SKP2: variants seen among roughly 807,000 people sequenced by gnomAD.
The protein encoded by SKP2 is S-phase kinase associated protein 2.
A neutral mutation model predicts 51.8 loss-of-function variants in SKP2; 16 were observed. The ratio of observed to expected loss-of-function variants is 0.31; its 90% confidence interval spans 0.21 to 0.47. The LOEUF (loss-of-function observed/expected upper bound fraction) is 0.47. Ranked by LOEUF, SKP2 falls within the 20% of genes least tolerant of loss-of-function variation. The probability of loss-of-function intolerance (pLI) is 1.00; values close to 1 mark genes in which losing one functional copy is unlikely to be tolerated. For synonymous variants in SKP2, 176 were observed against 198.6 expected (o/e 0.89, Z 0.96); for missense variants, 377 against 505.3 (o/e 0.75, Z 2.43).
Position 36,183,787 on chromosome 5 carries a change from A to C in SKP2, c.*1756A>C. ...GTTGCACAGGAAATGATGATGCTTC[A>C]ATTTCTTAATAGTTAAAAAGTGCTA... On this transcript the variant is annotated 3_prime_UTR_variant, in exon 10 of 10. Coordinates refer to ENST00000274255, the MANE Select transcript of SKP2 (RefSeq NM_005983.4). 6.7e-7 allele frequency: 1 copy of C among 1,491,838 alleles called. No individual in the cohort carries two copies. The highest frequency in any genetic ancestry group is 8.9e-7 in the Non-Finnish European group (1 of 1,125,448). The allele number at this position is 1,491,838 out of a possible 1,614,324, so 92.4% of individuals were successfully genotyped here.
downstream of SKP2, among the ~76,000 whole-genome samples, chr5:36,185,950 C>T (rs942636803): frequency 2.0e-5 from 3 of 152,260 alleles, no homozygotes; most frequent in Non-Finnish European, 4.4e-5. Context: ...TTGTAACTCT[C>T]CTTGAAGAGG....
At chr5:36,185,953 TGAA>T (rs535096270), downstream of SKP2, among the ~76,000 whole-genome samples, 211 of 152,326 alleles carry the variant, frequency 1.4e-3, no homozygotes, top group African/African-American at 4.9e-3. Context: ...TAACTCTCCT[TGAA>T]GAGGTCCTTC....
At chr5:36,187,657 T>C (rs1451328977), downstream of SKP2, among the ~76,000 whole-genome samples, 1 of 152,220 alleles carries the variant, frequency 6.6e-6, no homozygotes, top group Non-Finnish European at 1.5e-5. Context: ...CTTCTAACTA[T>C]GTGGTCAATT....
At chr5:36,153,743 C>T (rs1744842889) in intron 2 of SKP2, among the ~76,000 whole-genome samples, 1 of 152,136 alleles carries the variant, frequency 6.6e-6, no homozygotes, top group African/African-American at 2.4e-5. Context: ...AGATCTATCC[C>T]CCGAACTAGA....
downstream of SKP2, among the ~76,000 whole-genome samples, chr5:36,188,787 G>A (rs1489791632): frequency 2.6e-5 from 4 of 152,110 alleles, no homozygotes; most frequent in Admixed American, 6.5e-5. Flanking sequence ...GCCTTTGTAA[G>A]TTGGGGACAT....
At chr5:36,159,590 A>G (rs1745061463) in intron 2 of SKP2, among the ~76,000 whole-genome samples, 1 of 152,180 alleles carries the variant, frequency 6.6e-6, no homozygotes, top group African/African-American at 2.4e-5. Context: ...ACCAACAGCA[A>G]TTGATGGATT....
In SKP2 at chr5:36,183,655, C is replaced by T. The variant is rs750768594; in HGVS notation, c.*1624C>T. 1.6e-4 allele frequency: 200 copies of T among 1,229,280 alleles called. No homozygotes were observed. The highest frequency in any genetic ancestry group is 3.8e-4 in the Admixed American group (9 of 23,420). The allele number at this position is 1,229,280 out of a possible 1,614,324, so 76.1% of individuals were successfully genotyped here. A position where few individuals can be genotyped will look rare whatever the true frequency, so the allele number is the denominator to read the frequency against. On this transcript the variant is annotated 3_prime_UTR_variant, in exon 10 of 10. Transcript: ENST00000274255. ...ATGTAACAACAAAAAAAGCTAACAC[C>T]AGTCATTTATATTAACTTTTTTTTT...
chr5:36,166,364 A>C (rs1745288867), intron 3 of SKP2, among the ~76,000 whole-genome samples, 155 bp from the exon 4 acceptor site: 1 of 152,268 alleles, frequency 6.6e-6, no homozygotes, highest in South Asian at 2.1e-4. Flanking sequence ...TAAAAATATC[A>C]TAGCTAATTG....
At position 36,152,878 on chromosome 5, in the gene SKP2, C is replaced by T. The variant is rs777228038; in HGVS notation, c.116C>T (p.Ser39Phe). The T allele has an allele frequency of 2.5e-6, 4 of 1,614,108 alleles. No homozygotes were observed. The highest frequency in any genetic ancestry group is 2.5e-6 in the Non-Finnish European group (3 of 1,180,024). ...TSELLSGMGV[S>F]ALEKEEPDSE... The stretch of plus-strand genomic sequence containing the variant: ...GAACTGCTGTCAGGCATGGGGGTCT[C>T]CGCCCTGGAGAAAGAGGAGCCCGAC... Residue 39 changes from serine to phenylalanine, a missense_variant, in exon 2 of 10, where the codon TCC becomes TTC. By Grantham distance (155) the Ser-to-Phe change is radical. Around this residue, in one of 2 missense-constraint regions of SKP2, gnomAD observed 115 missense variants for 115.5 expected, o/e 1.00. Coordinates refer to ENST00000274255, the MANE Select transcript of SKP2 (RefSeq NM_005983.4).
At chr5:36,162,925 G>A (rs760804882) in intron 2 of SKP2, among the ~76,000 whole-genome samples, 6 of 152,092 alleles carry the variant, frequency 3.9e-5, no homozygotes, top group Non-Finnish European at 7.4e-5. Context: ...CAAAGGGGTC[G>A]GGGAAGCCAC....
chr5:36,176,863 C>T (rs757193492), intron 7 of SKP2, 102 bp from the exon 8 acceptor site: 44 of 725,510 alleles, frequency 6.1e-5, no homozygotes, highest in Non-Finnish European at 1.0e-4. Context: ...AATTGCATTG[C>T]CCTGAACTTC....
chr5:36,171,487 C>T lies in SKP2; in HGVS notation c.771-116C>T, dbSNP rs138773510. 14 of 941,758 alleles carry T rather than the reference C, an allele frequency of 1.5e-5. No individual in the cohort carries two copies. In the East Asian group the frequency reaches 2.9e-4, roughly 20 times the overall value. 58.3% of individuals were successfully genotyped at this position (941,758 alleles called of 1,614,324 possible). A position where few individuals can be genotyped will look rare whatever the true frequency, so the allele number is the denominator to read the frequency against. On this transcript the variant is annotated intron_variant, in intron 6 of 9. Transcript: ENST00000274255. ...AGCTACTGTTAGAGAAGCAGGTGTTCTGTGCATGAAATGATAAGGAATCCA... is the reference window on the plus strand; with the variant it reads ...AGCTACTGTTAGAGAAGCAGGTGTTTTGTGCATGAAATGATAAGGAATCCA...
chr5:36,173,999 C>T (rs955803334), intron 7 of SKP2, among the ~76,000 whole-genome samples: 2 of 152,000 alleles, frequency 1.3e-5, no homozygotes, highest in Admixed American at 6.6e-5. Flanking sequence ...CTTAGAGTTA[C>T]AGGAAAGAAT....
chr5:36,186,674 T>C (rs193859), downstream of SKP2, among the ~76,000 whole-genome samples: 141,853 of 151,884 alleles, frequency 0.93, 66,658 homozygotes, highest in Non-Finnish European at 0.98. Context: ...ATTTTTGCAT[T>C]GGTATTCATC....
intron 7 of SKP2, among the ~76,000 whole-genome samples, chr5:36,176,758 C>T (rs557350694): frequency 2.0e-5 from 3 of 152,004 alleles, no homozygotes; most frequent in East Asian, 1.9e-4. Flanking sequence ...TCATTTTACA[C>T]AGTTTTCTTT....
At chr5:36,177,403 A>G (rs1245066865) in intron 9 of SKP2, 111 bp downstream of exon 9, 1 of 757,228 alleles carries the variant, frequency 1.3e-6, no homozygotes. Context: ...AACATTAGTA[A>G]TAAGTATACC....
chr5:36,168,028 C>T (rs1157660154), intron 4 of SKP2, among the ~76,000 whole-genome samples: 2 of 152,174 alleles, frequency 1.3e-5, no homozygotes. Context: ...TCCTTGTCAC[C>T]CACATCCAGC....
chr5:36,181,990 A>G lies in SKP2; in HGVS notation c.1234A>G (p.Ile412Val), dbSNP rs755714044. 2 of 1,614,058 alleles carry G rather than the reference A, an allele frequency of 1.2e-6. No homozygotes were observed. The highest frequency in any genetic ancestry group is 2.7e-5 in the African/African-American group (2 of 74,938). The part of the protein sequence containing the change: ...GNKKNQEIWG[I>V]KCRLTLQKPS... ...CAAAAAGAACCAGGAGATATGGGGC[A>G]TCAAATGCCGACTGACACTGCAAAA... Residue 412 changes from isoleucine to valine, a missense_variant, in exon 10 of 10, where the codon ATC (isoleucine) becomes GTC (valine). Transcript: ENST00000274255.
intron 2 of SKP2, 36 bp from the exon 3 acceptor site, chr5:36,163,609 G>T (rs534043376): frequency 7.7e-7 from 1 of 1,299,418 alleles, no homozygotes; most frequent in Admixed American, 1.7e-5. Flanking sequence ...TAGGGTGAAA[G>T]AATGGTGATG....
Sources: allele counts gnomAD v4.1 joint callset (sites outside exome capture counted in the v4.1 genomes callset), GRCh38; gene constraint gnomAD v4.1.1; regional missense constraint gnomAD v4.1.1; transcripts MANE v1.5; gene names NCBI Gene and HGNC (gene_info 2026-07-23, HGNC 2026-07-21).